The following THADA variants were observed in gnomAD, a reference collection of about 807,000 sequenced individuals.
THADA encodes the protein tRNA (32-2'-O)-methyltransferase regulator THADA.
THADA carries 213 observed loss-of-function variants against 219.8 expected under a neutral mutation model. The observed-to-expected ratio is 0.97, with a 90% CI of 0.87 to 1.09. The LOEUF is 1.09. Among genes scored for constraint, THADA ranks in the 50% least tolerant of loss-of-function variants. The probability of loss-of-function intolerance (pLI) is 0.00; values close to 1 mark genes in which losing one functional copy is unlikely to be tolerated. For synonymous variants in THADA, 1,018 were observed against 828.9 expected (o/e 1.23, Z -3.92); for missense variants, 2,956 against 2,311.3 (o/e 1.28, Z -5.72).
intron 28 of THADA, among the ~76,000 whole-genome samples, chr2:43,413,762 T>C (rs1233062667): frequency 1.3e-5 from 2 of 152,228 alleles, no homozygotes; most frequent in Non-Finnish European, 2.9e-5. Flanking sequence ...CATCTTCTTC[T>C]GTTCATTAAG....
At chr2:43,247,202 A>G (rs1036801262) in intron 36 of THADA, among the ~76,000 whole-genome samples, 2 of 152,204 alleles carry the variant, frequency 1.3e-5, no homozygotes, top group Admixed American at 1.3e-4. Flanking sequence ...TCTACTTTTC[A>G]GTGAATGTTA....
chr2:43,336,865 G>A (rs1301872077), intron 30 of THADA, among the ~76,000 whole-genome samples: 2 of 152,178 alleles, frequency 1.3e-5, no homozygotes, highest in African/African-American at 4.8e-5. Context: ...CCTAATGAGA[G>A]ACGCGGCTGG....
chr2:43,238,340 AACTCTTAAT>A (rs1668279002), intron 36 of THADA, among the ~76,000 whole-genome samples: 2 of 152,078 alleles, frequency 1.3e-5, no homozygotes, highest in Non-Finnish European at 1.5e-5. Context: ...CTACATAAAG[AACTCTTAAT>A]ACTCTTAATA....
chr2:43,501,332 AAAAAAAAG>A (rs1688947446), intron 24 of THADA, among the ~76,000 whole-genome samples: 1 of 138,448 alleles, frequency 7.2e-6, no homozygotes, highest in African/African-American at 3.1e-5. Flanking sequence ...AAAAAAAAAA[AAAAAAAAG>A]AGAGACTTTT....
intron 29 of THADA, among the ~76,000 whole-genome samples, chr2:43,371,158 T>G (rs1324362138): frequency 6.6e-6 from 1 of 152,214 alleles, no homozygotes; most frequent in Non-Finnish European, 1.5e-5. Flanking sequence ...TATTTTTAAT[T>G]AACCATAAGC....
intron 28 of THADA, among the ~76,000 whole-genome samples, chr2:43,407,510 A>C (rs979276973): frequency 7.9e-5 from 12 of 152,146 alleles, no homozygotes; most frequent in Non-Finnish European, 1.5e-4. Context: ...GTGCTGAGTA[A>C]ATTTTTCTTT....
chr2:43,531,850 T>A (rs966414706), intron 21 of THADA, among the ~76,000 whole-genome samples: 13 of 152,164 alleles, frequency 8.5e-5, no homozygotes, highest in African/African-American at 2.9e-4. Flanking sequence ...TTTTCCTTTT[T>A]TTCGACTCAT....
chr2:43,277,941 C>G (rs186946597), intron 36 of THADA, among the ~76,000 whole-genome samples: 1 of 146,916 alleles, frequency 6.8e-6, no homozygotes, highest in African/African-American at 2.6e-5. Context: ...TAAAACAAGA[C>G]AATATTGTTC....
At chr2:43,287,083 ATCAG>A (rs1674121847) in intron 34 of THADA, 22 bp from the exon 35 acceptor site, 1 of 1,598,862 alleles carries the variant, frequency 6.3e-7, no homozygotes, top group Non-Finnish European at 8.5e-7. Context: ...AAATGTACCT[ATCAG>A]TAGTTCAGAA....
chr2:43,302,040 C>CTT (rs76563247), intron 31 of THADA, among the ~76,000 whole-genome samples: 2 of 148,822 alleles, frequency 1.3e-5, no homozygotes, highest in African/African-American at 4.9e-5. Context: ...CCTTCTTTGC[C>CTT]TTTTTTTTTT....
chr2:43,532,448 T>C (rs1316938361), intron 21 of THADA, among the ~76,000 whole-genome samples: 1 of 134,642 alleles, frequency 7.4e-6, no homozygotes, highest in Non-Finnish European at 1.6e-5. Flanking sequence ...TGGTTCAACA[T>C]ACACAAATCA....
chr2:43,430,163 G>T, intron 27 of THADA, 50 bp downstream of exon 27: 3 of 871,244 alleles, frequency 3.4e-6, no homozygotes, highest in South Asian at 2.0e-5. Context: ...CAATTACTAA[G>T]GTAATTCACA....
intron 28 of THADA, among the ~76,000 whole-genome samples, chr2:43,427,264 G>C (rs867305443): frequency 6.6e-6 from 1 of 152,282 alleles, no homozygotes; most frequent in South Asian, 2.1e-4. Flanking sequence ...AACCAAGCCT[G>C]CTCCGTGCTA....
At chr2:43,474,713 A>G (rs541487963) in intron 26 of THADA, among the ~76,000 whole-genome samples, 82 of 152,362 alleles carry the variant, frequency 5.4e-4, no homozygotes, top group African/African-American at 1.9e-3. Flanking sequence ...ATTTATATGT[A>G]TCTAAATCAA....
Position 43,471,879 on chromosome 2 carries a change from T to G in THADA, c.3836+13355A>C, listed in dbSNP as rs542492868. Among the ~76,000 whole-genome samples, 4 of 152,350 alleles carry G rather than the reference T, an allele frequency of 2.6e-5. 1 individual carries two copies. In the East Asian group the frequency reaches 7.7e-4, roughly 29 times the overall value. On this transcript the variant is annotated intron_variant, in intron 26 of 37. Coordinates refer to ENST00000405975, the MANE Select transcript of THADA (RefSeq NM_022065.5). ...ACACTGTATGCTCCCTAAGAATAAG[T>G]TGCTAATGCCTGCACTAAGTCTGGC...
At chr2:43,529,440 G>T (rs1574098793) in intron 21 of THADA, among the ~76,000 whole-genome samples, 1 of 152,036 alleles carries the variant, frequency 6.6e-6, no homozygotes, top group East Asian at 1.9e-4. Context: ...CCAACTCTTG[G>T]GCCCCAAGGA....
intron 36 of THADA, among the ~76,000 whole-genome samples, chr2:43,253,291 T>C (rs1168457895): frequency 6.6e-6 from 1 of 152,168 alleles, no homozygotes; most frequent in Non-Finnish European, 1.5e-5. Flanking sequence ...GTGTGAAGGA[T>C]GTGTGCAGGG....
chr2:43,320,407 T>G (rs1185946286), intron 31 of THADA, 39 bp downstream of exon 31: 8 of 1,506,546 alleles, frequency 5.3e-6, no homozygotes, highest in Non-Finnish European at 7.3e-6. Context: ...TTCAAAGATG[T>G]GTAACGATTC....
chr2:43,561,318 T>C (rs74791279), intron 15 of THADA, among the ~76,000 whole-genome samples: 2 of 152,108 alleles, frequency 1.3e-5, no homozygotes, highest in African/African-American at 2.4e-5. Context: ...GTAAGAACAA[T>C]AGAAACATTT....
Sources: allele counts gnomAD v4.1 joint callset (sites outside exome capture counted in the v4.1 genomes callset), GRCh38; gene constraint gnomAD v4.1.1; transcripts MANE v1.5; gene names NCBI Gene and HGNC (gene_info 2026-07-23, HGNC 2026-07-21).